Variants in TRANK1 observed in about 807,000 individuals in gnomAD.
TRANK1 encodes tetratricopeptide repeat and ankyrin repeat containing 1.
Under a neutral mutation model 266.0 loss-of-function variants are expected in TRANK1, and 198 were observed. The ratio of observed to expected loss-of-function variants is 0.74; its 90% CI spans 0.66 to 0.84. The LOEUF is 0.84. Among genes scored for constraint, TRANK1 ranks in the 40% least tolerant of loss-of-function variants. TRANK1 has a pLI of 0.00. For missense variants in TRANK1, 3,326 were observed against 3,634.6 expected, an observed-to-expected ratio of 0.92 and a Z score of 2.18; for synonymous variants, 1,396 against 1,384.1, an observed-to-expected ratio of 1.01 and a Z score of -0.19.
intron 13 of TRANK1, among the ~76,000 whole-genome samples, chr3:36,853,134 T>G (rs1055118311): frequency 6.6e-5 from 10 of 152,160 alleles, no homozygotes; most frequent in Non-Finnish European, 1.0e-4. Flanking sequence ...GCAGGCACCT[T>G]CAAAAAAGTC....
chr3:36,851,931 AG>A, intron 14 of TRANK1, 75 bp from the exon 15 acceptor site: 1 of 1,487,806 alleles, frequency 6.7e-7, no homozygotes, highest in Non-Finnish European at 8.9e-7. Context: ...TATGGGAGAT[AG>A]GTAATGTTTT....
Position 36,834,769 on chromosome 3 carries a change from C to G in TRANK1, c.5656G>C (p.Val1886Leu). ...EELFEEAAIA[V>L]EKYEEMLKTK... ...GAGAATAAAACCACCTACTTTTCCA[C>G]TGCAATAGCAGCTTCTTCAAAAAGC... The change falls in exon 21 of 24, where the codon GTG becomes CTG. Residue 1886 changes from valine to leucine, a missense_variant. Transcript: ENST00000645898. The G allele has an allele frequency of 6.2e-7, 1 of 1,610,126 alleles. No homozygotes were observed. The highest frequency in any genetic ancestry group is 8.5e-7 in the Non-Finnish European group (1 of 1,178,772).
chr3:36,904,324 T>A (rs1264589464), intron 2 of TRANK1, among the ~76,000 whole-genome samples: 1 of 147,006 alleles, frequency 6.8e-6, no homozygotes, highest in Non-Finnish European at 1.5e-5. Flanking sequence ...TTCGAGACCA[T>A]CCTGGCCAAC....
Position 36,895,772 on chromosome 3 carries a change from TCA to T in TRANK1, c.434-16_434-15del. On this transcript the variant is annotated splice_polypyrimidine_tract_variant and intron_variant, in intron 4 of 23. Coordinates refer to ENST00000645898, the MANE Select transcript of TRANK1 (RefSeq NM_001329998.2). ...CAATGGAGTCACCTAAAAGAAAGTT[TCA>T]TAATTTAGGGATTTTAATGTGGGGA... The T allele has an allele frequency of 6.6e-7, 1 of 1,508,632 alleles. No individual in the cohort carries two copies. The highest frequency in any genetic ancestry group is 1.2e-5 in the South Asian group (1 of 80,752). The allele number at this position is 1,508,632 out of a possible 1,614,324, so 93.5% of individuals were successfully genotyped here. A position where few individuals can be genotyped will look rare whatever the true frequency, so the allele number is the denominator to read the frequency against.
At chr3:36,921,251 T>A (rs992174728) in intron 1 of TRANK1, among the ~76,000 whole-genome samples, 1 of 152,154 alleles carries the variant, frequency 6.6e-6, no homozygotes, top group Non-Finnish European at 1.5e-5. Flanking sequence ...CCCTAGCCAA[T>A]AGGGAAACAA....
chr3:36,859,586 C>T (rs1242173553), intron 11 of TRANK1, among the ~76,000 whole-genome samples: 1 of 152,124 alleles, frequency 6.6e-6, no homozygotes, highest in Admixed American at 6.5e-5. Context: ...CCCGAAATCA[C>T]CTTCTTTTTA....
At chr3:36,918,514 A>AAGGAAGGAAGGAAG (rs1559473242) in intron 1 of TRANK1, among the ~76,000 whole-genome samples, 7 of 36,304 alleles carry the variant, frequency 1.9e-4, no homozygotes, top group African/African-American at 7.9e-4. Context: ...AAAGAAAGAA[A>AAGGAAGGAAGGAAG]GAAAGAAAGA....
In TRANK1 at chr3:36,832,819, T is replaced by C. The variant is rs775169397; in HGVS notation, c.6764A>G (p.Tyr2255Cys). The C allele has an allele frequency of 2.2e-5, 35 of 1,613,844 alleles. No individual in the cohort carries two copies. The East Asian group carries it at 4.7e-4, about 22-fold the overall frequency. ...GCCATACATATCTGTAGACAAAATA[T>C]AATCAATTTCTTTAAGTTCTTCTGC... ...ILAEELKEID[Y>C]ILSTDMYGLC... The change falls in exon 22 of 24, where the codon TAT becomes TGT. Residue 2255 changes from tyrosine (Y) to cysteine (C), a missense_variant. Physicochemically the swap from Tyr to Cys is radical, Grantham distance 194 (BLOSUM62 -2). Transcript: ENST00000645898.
chr3:36,902,516 A>T (rs1337611544), intron 3 of TRANK1, among the ~76,000 whole-genome samples: 1 of 152,256 alleles, frequency 6.6e-6, no homozygotes. Context: ...TGAGGCACCA[A>T]GAACAGTAAA....
chr3:36,887,668 C>T (rs1224511768), intron 8 of TRANK1, among the ~76,000 whole-genome samples: 1 of 152,144 alleles, frequency 6.6e-6, no homozygotes, highest in Non-Finnish European at 1.5e-5. Flanking sequence ...TTATGTGTGG[C>T]CCAAGACAAT....
intron 9 of TRANK1, among the ~76,000 whole-genome samples, chr3:36,871,541 T>C (rs1454265898): frequency 1.3e-5 from 2 of 152,244 alleles, no homozygotes; most frequent in East Asian, 1.9e-4. Context: ...TGAGATGATA[T>C]GCACAAGCTC....
At position 36,856,378 on chromosome 3, in the gene TRANK1, A is replaced by C. The variant is rs1559431006; in HGVS notation, c.3344T>G (p.Leu1115Arg). The change falls in exon 13 of 24, where the codon CTG (leucine) becomes CGG (arginine). Residue 1115 changes from leucine to arginine, a missense_variant. Coordinates refer to ENST00000645898, the MANE Select transcript of TRANK1 (RefSeq NM_001329998.2). ...GSPLLAKQVW[L>R]KRRLEVEPGK... ...GGGTTCCACTTCCAACCTTCTCTTC[A>C]GCCAGACCTGTTTGGCCAGCAATGG... 1 of 1,593,260 alleles carries C rather than the reference A, an allele frequency of 6.3e-7. No homozygotes were observed. The highest frequency in any genetic ancestry group is 1.3e-5 in the African/African-American group (1 of 74,394).
intron 20 of TRANK1, among the ~76,000 whole-genome samples, chr3:36,836,548 T>C (rs73826904): frequency 1.3e-3 from 204 of 152,292 alleles, no homozygotes; most frequent in African/African-American, 4.6e-3. Flanking sequence ...TGAGCACATA[T>C]AAAAATGTAT....
At chr3:36,858,580 C>T in intron 12 of TRANK1, 138 bp downstream of exon 12, 1 of 979,454 alleles carries the variant, frequency 1.0e-6, no homozygotes, top group Admixed American at 3.4e-5. Flanking sequence ...GGCCAGGTGA[C>T]ATGGGCAGGC....
At position 36,855,285 on chromosome 3, in the gene TRANK1, G is replaced by A. The variant is rs1021667941; in HGVS notation, c.4437C>T (p.Ser1479=). The A allele has an allele frequency of 3.3e-5, 53 of 1,613,948 alleles. No homozygotes were observed. The highest frequency in any genetic ancestry group is 4.2e-5 in the Non-Finnish European group (49 of 1,179,908). ...CATAATGGAACAGAGAGCGCAGATC[G>A]CTGAAGCGGAAGGCCACGCCCTTCA... ...SIMKGVAFRF[S]DLRSLFHYAS... is the part of the protein sequence containing the mutation. Residue 1479 remains serine (S), a synonymous_variant, in exon 13 of 24, where the codon AGC becomes AGT. Coordinates refer to ENST00000645898, the MANE Select transcript of TRANK1 (RefSeq NM_001329998.2).
At chr3:36,944,612 G>C (rs976753822) in intron 1 of TRANK1, among the ~76,000 whole-genome samples, 175 bp downstream of exon 1, 1 of 152,144 alleles carries the variant, frequency 6.6e-6, no homozygotes, top group African/African-American at 2.4e-5. Flanking sequence ...CCGACCCCGC[G>C]CAACTGGCTC....
At chr3:36,914,388 C>A (rs200605897) in intron 1 of TRANK1, among the ~76,000 whole-genome samples, 1 of 151,270 alleles carries the variant, frequency 6.6e-6, no homozygotes, top group East Asian at 1.9e-4. Flanking sequence ...CTCAGGTGAT[C>A]CCTCGGTCTT....
rs1262370436 is a variant in TRANK1, at chr3:36,855,373, A to C, written c.4349T>G (p.Leu1450Arg). ...QDFTQAELAL[L>R]MKCINDPNSM... ...GTTGGGGTCATTGATGCATTTCATC[A>C]GCAGCGCCAGCTCGGCCTGGGTAAA... Residue 1450 changes from leucine (L) to arginine (R), a missense_variant, in exon 13 of 24, where the codon CTG becomes CGG. By Grantham distance (102) the Leu-to-Arg change is moderately radical. Coordinates refer to ENST00000645898, the MANE Select transcript of TRANK1 (RefSeq NM_001329998.2). 1 of 1,614,062 alleles carries C rather than the reference A, an allele frequency of 6.2e-7. No homozygotes were observed. Among genetic ancestry groups the C allele is most frequent in the Non-Finnish European group, 8.5e-7 (1 of 1,179,884 alleles).
intron 15 of TRANK1, chr3:36,850,850 T>C (rs1336501665): frequency 1.9e-5 from 19 of 985,294 alleles, no homozygotes; most frequent in Non-Finnish European, 2.0e-5. Context: ...AAGCCAACAG[T>C]GCTCTTGACT....
Sources: gnomAD v4.1 joint callset for allele counts (sites outside exome capture counted in the v4.1 genomes callset) on GRCh38, gnomAD v4.1.1 for gene constraint, MANE v1.5 for transcripts, NCBI Gene and HGNC (gene_info 2026-07-23, HGNC 2026-07-21) for gene names.